The following KCNQ5 variants were observed in gnomAD, a reference collection of about 807,000 sequenced individuals.
KCNQ5 encodes the protein potassium voltage-gated channel subfamily KQT member 5.
A neutral mutation model predicts 98.2 loss-of-function variants in KCNQ5; 30 were observed. The observed-to-expected ratio is 0.31, with a 90% CI of 0.23 to 0.41. KCNQ5 has a LOEUF of 0.41. KCNQ5 is among the 10% of genes least tolerant of loss of function. KCNQ5 has a pLI of 1.00. For missense variants in KCNQ5, 835 were observed against 1,182.5 expected (o/e 0.71, Z 4.31); for synonymous variants, 458 against 449.4 (o/e 1.02, Z -0.24).
At chr6:72,700,249 T>G (rs2154474606) in intron 1 of KCNQ5, among the ~76,000 whole-genome samples, 1 of 152,308 alleles carries the variant, frequency 6.6e-6, no homozygotes, top group Admixed American at 6.5e-5. Context: ...GGTCCAGTCT[T>G]TTATCTTCAT....
intron 1 of KCNQ5, among the ~76,000 whole-genome samples, chr6:72,676,193 C>T (rs1388666467): frequency 6.6e-6 from 1 of 152,164 alleles, no homozygotes; most frequent in African/African-American, 2.4e-5. Context: ...ATTCTCTACT[C>T]TTATCTTGAA....
At chr6:73,116,102 A>G (rs562352601) in intron 7 of KCNQ5, among the ~76,000 whole-genome samples, 2 of 152,350 alleles carry the variant, frequency 1.3e-5, no homozygotes, top group African/African-American at 4.8e-5. Context: ...TAGGGCAATT[A>G]TAACTCCAAA....
chr6:72,742,183 C>G (rs6453601), intron 1 of KCNQ5, among the ~76,000 whole-genome samples: 35,077 of 152,098 alleles, frequency 0.23, 5,467 homozygotes, highest in African/African-American at 0.44. Flanking sequence ...TAGGAGTGGA[C>G]TCACAGTGGA....
chr6:73,069,661 A>G (rs557809557), intron 3 of KCNQ5, among the ~76,000 whole-genome samples: 1 of 152,272 alleles, frequency 6.6e-6, no homozygotes, highest in African/African-American at 2.4e-5. Flanking sequence ...TCTGGGCACA[A>G]GTGGCCTTGA....
intron 1 of KCNQ5, among the ~76,000 whole-genome samples, chr6:72,744,885 A>G (rs1266012415): frequency 6.6e-6 from 1 of 152,146 alleles, no homozygotes; most frequent in Non-Finnish European, 1.5e-5. Flanking sequence ...GAGAAATCCT[A>G]TAGTTAGAAT....
At chr6:72,950,804 T>C (rs1368710405) in intron 1 of KCNQ5, among the ~76,000 whole-genome samples, 1 of 152,188 alleles carries the variant, frequency 6.6e-6, no homozygotes, top group East Asian at 1.9e-4. Context: ...GGCCATATCA[T>C]GGAAGGGGGA....
intron 1 of KCNQ5, among the ~76,000 whole-genome samples, chr6:72,633,486 T>A (rs778783381): frequency 6.6e-6 from 1 of 152,214 alleles, no homozygotes; most frequent in Non-Finnish European, 1.5e-5. Flanking sequence ...AATTTACAGA[T>A]TCAATGTTAT....
intron 1 of KCNQ5, among the ~76,000 whole-genome samples, chr6:72,918,432 G>A (rs962325320): frequency 6.6e-6 from 1 of 151,890 alleles, no homozygotes; most frequent in Non-Finnish European, 1.5e-5. Context: ...GTGCTCAAAA[G>A]TCTCTGAACA....
At chr6:73,191,262 A>C (rs1765578860) in intron 12 of KCNQ5, among the ~76,000 whole-genome samples, 1 of 152,142 alleles carries the variant, frequency 6.6e-6, no homozygotes, top group Non-Finnish European at 1.5e-5. Flanking sequence ...GCTGGGCCAA[A>C]GTTGAGACTT....
chr6:72,780,922 C>A (rs1045573328), intron 1 of KCNQ5, among the ~76,000 whole-genome samples: 1 of 152,124 alleles, frequency 6.6e-6, no homozygotes, highest in East Asian at 1.9e-4. Context: ...CCCCAGGTTT[C>A]TAGCTCTGAG....
intron 4 of KCNQ5, 60 bp downstream of exon 4, chr6:73,077,557 T>G: frequency 1.3e-6 from 2 of 1,493,870 alleles, no homozygotes; most frequent in Non-Finnish European, 1.8e-6. Context: ...TTGATCGCTG[T>G]AATAGTTAAT....
At chr6:73,177,219 G>T (rs1369365543) in intron 11 of KCNQ5, among the ~76,000 whole-genome samples, 1 of 152,204 alleles carries the variant, frequency 6.6e-6, no homozygotes, top group Non-Finnish European at 1.5e-5. Flanking sequence ...AGAAGGAAAA[G>T]GGTTTGAAGC....
At chr6:72,740,770 G>A (rs1167583521) in intron 1 of KCNQ5, among the ~76,000 whole-genome samples, 1 of 152,138 alleles carries the variant, frequency 6.6e-6, no homozygotes, top group Non-Finnish European at 1.5e-5. Flanking sequence ...GTGCCATTTT[G>A]TGCCCTGAAC....
intron 6 of KCNQ5, among the ~76,000 whole-genome samples, chr6:73,110,067 C>T (rs1470056475): frequency 1.3e-5 from 2 of 152,134 alleles, no homozygotes; most frequent in Admixed American, 6.5e-5. Context: ...CACCACCTCT[C>T]CAGACAGCCT....
At chr6:72,657,939 G>A (rs750108580) in intron 1 of KCNQ5, among the ~76,000 whole-genome samples, 3 of 152,222 alleles carry the variant, frequency 2.0e-5, no homozygotes, top group East Asian at 3.8e-4. Flanking sequence ...ACATTAAGAT[G>A]TAAATGATTA....
At chr6:72,939,003 T>C (rs1254910006) in intron 1 of KCNQ5, among the ~76,000 whole-genome samples, 1 of 152,166 alleles carries the variant, frequency 6.6e-6, no homozygotes, top group Non-Finnish European at 1.5e-5. Flanking sequence ...TATCTAAAAC[T>C]TGCAAAAACT....
At chr6:72,662,115 C>G (rs909692956) in intron 1 of KCNQ5, among the ~76,000 whole-genome samples, 5 of 152,220 alleles carry the variant, frequency 3.3e-5, no homozygotes, top group Admixed American at 6.5e-5. Context: ...ATAACTGTTT[C>G]CCTATTTAGA....
chr6:72,748,548 CTG>C (rs1235109072), intron 1 of KCNQ5, among the ~76,000 whole-genome samples: 2 of 152,100 alleles, frequency 1.3e-5, no homozygotes, highest in Non-Finnish European at 1.5e-5. Context: ...TGAGAAAAGA[CTG>C]TAAATTCCTA....
intron 3 of KCNQ5, among the ~76,000 whole-genome samples, chr6:73,052,995 T>C (rs1302724647): frequency 6.6e-6 from 1 of 152,164 alleles, no homozygotes; most frequent in Non-Finnish European, 1.5e-5. Flanking sequence ...CTGTCTTGAA[T>C]AGACCCATTT....
Sources: allele counts gnomAD v4.1 joint callset (sites outside exome capture counted in the v4.1 genomes callset), GRCh38; gene constraint gnomAD v4.1.1; transcripts MANE v1.5; gene names NCBI Gene and HGNC (gene_info 2026-07-23, HGNC 2026-07-21).